The following MANBA variants were observed in gnomAD, a reference collection of about 807,000 sequenced individuals.
MANBA encodes the protein mannosidase beta.
A neutral mutation model predicts 111.1 loss-of-function variants in MANBA; 83 were observed. That is an observed-to-expected ratio of 0.75 (90% confidence interval 0.63 to 0.90). MANBA has a LOEUF of 0.90. Among genes scored for constraint, MANBA ranks in the 40% least tolerant of loss-of-function variants. MANBA has a pLI of 0.00. For missense variants in MANBA, 1,036 were observed against 1,069.0 expected (o/e 0.97, Z 0.43); for synonymous variants, 370 against 378.7 (o/e 0.98, Z 0.27).
chr4:102,689,836 A>G, intron 6 of MANBA, 152 bp from the exon 7 acceptor site: 1 of 623,852 alleles, frequency 1.6e-6, no homozygotes, highest in East Asian at 2.8e-5. Flanking sequence ...CAATCAGACC[A>G]ATTCATTGAT....
At chr4:102,752,017 G>C in intron 1 of MANBA, 1 of 742,530 alleles carries the variant, frequency 1.3e-6, no homozygotes, top group South Asian at 1.4e-5. Context: ...ATTTTGTAGT[G>C]GCTCCTGGGA....
chr4:102,699,212 C>G (rs1386798544), intron 5 of MANBA, among the ~76,000 whole-genome samples: 1 of 151,698 alleles, frequency 6.6e-6, no homozygotes, highest in Non-Finnish European at 1.5e-5. Flanking sequence ...GATTTTGTAT[C>G]CTGAGACTTT....
chr4:102,759,026 G>A (rs190261991), intron 1 of MANBA, among the ~76,000 whole-genome samples: 1 of 152,150 alleles, frequency 6.6e-6, no homozygotes, highest in East Asian at 1.9e-4. Flanking sequence ...TTTTCATTAA[G>A]TATCTGTTGT....
intron 12 of MANBA, among the ~76,000 whole-genome samples, chr4:102,651,145 C>T (rs1443878306): frequency 6.6e-6 from 1 of 151,834 alleles, no homozygotes; most frequent in African/African-American, 2.4e-5. Flanking sequence ...AATAAAACAC[C>T]TATTACACTA....
At chr4:102,700,174 A>T (rs375806632) in intron 5 of MANBA, among the ~76,000 whole-genome samples, 982 of 96,276 alleles carry the variant, frequency 0.01, no homozygotes, top group African/African-American at 0.015. Context: ...CTCTGATGGT[A>T]GTTTGTATTT....
At chr4:102,643,524 T>C (rs1578863825) in intron 13 of MANBA, among the ~76,000 whole-genome samples, 1 of 152,344 alleles carries the variant, frequency 6.6e-6, no homozygotes, top group Non-Finnish European at 1.5e-5. Flanking sequence ...CAGCAACATA[T>C]GAGGGTTCCA....
At chr4:102,727,602 G>C in intron 1 of MANBA, 1 of 1,595,842 alleles carries the variant, frequency 6.3e-7, no homozygotes, top group South Asian at 1.1e-5. Context: ...TTTTGGGCTC[G>C]GGAGACAGGC....
chr4:102,673,585 C>T (rs1207885985), intron 8 of MANBA, among the ~76,000 whole-genome samples: 1 of 151,764 alleles, frequency 6.6e-6, no homozygotes, highest in East Asian at 1.9e-4. Context: ...ATTTGAAAAG[C>T]TGAAAATAGT....
intron 10 of MANBA, chr4:102,666,282 G>A (rs573315036): frequency 6.6e-5 from 10 of 152,270 alleles, no homozygotes; most frequent in East Asian, 1.9e-4. Context: ...TTATTTATAC[G>A]AAAGAAAACT....
intron 4 of MANBA, among the ~76,000 whole-genome samples, chr4:102,720,693 A>AAAGAT (rs1457743938): frequency 1.3e-5 from 2 of 152,208 alleles, no homozygotes; most frequent in African/African-American, 4.8e-5. Flanking sequence ...AAAAGAATCA[A>AAAGAT]AAGATAAATC....
rs377586019 is a variant in MANBA at position 102,635,036 on chromosome 4, G to A, written c.2167C>T (p.His723Tyr). The change falls in exon 16 of 17, where the codon CAT (histidine) becomes TAT (tyrosine). Residue 723 changes from histidine (H) to tyrosine (Y), a missense_variant. His to Tyr is a moderately conservative substitution (Grantham distance 83). Transcript: ENST00000647097. ...ACGGGCTCCAGGGAGCTCCATGTATGGACTCTCACCTGGGGAGAAATAAAA... is the reference window on the plus strand; with the variant it reads ...ACGGGCTCCAGGGAGCTCCATGTATAGACTCTCACCTGGGGAGAAATAAAA... ...DYSMTLSVRV[H>Y]TWSSLEPVCS... 15 of 1,614,064 alleles carry A rather than the reference G, an allele frequency of 9.3e-6. No individual in the cohort carries two copies. The highest frequency in any genetic ancestry group is 1.3e-5 in the Non-Finnish European group (15 of 1,179,958).
chr4:102,641,563 T>C (rs1225903832), intron 13 of MANBA, among the ~76,000 whole-genome samples: 1 of 152,150 alleles, frequency 6.6e-6, no homozygotes, highest in East Asian at 1.9e-4. Flanking sequence ...ACCAGACCAC[T>C]AGGACCACAG....
At chr4:102,747,207 G>A (rs1013263374) in intron 1 of MANBA, among the ~76,000 whole-genome samples, 3 of 150,912 alleles carry the variant, frequency 2.0e-5, no homozygotes, top group Non-Finnish European at 2.9e-5. Flanking sequence ...TAACTCACAT[G>A]ATCACAAGGT....
At chr4:102,676,129 G>T (rs1480176292) in intron 7 of MANBA, among the ~76,000 whole-genome samples, 2 of 152,222 alleles carry the variant, frequency 1.3e-5, no homozygotes, top group East Asian at 3.9e-4. Flanking sequence ...TGAATAAGAA[G>T]TGAAATTATG....
intron 13 of MANBA, among the ~76,000 whole-genome samples, chr4:102,642,468 G>T (rs1312618619): frequency 6.6e-6 from 1 of 152,058 alleles, no homozygotes; most frequent in South Asian, 2.1e-4. Context: ...TTAACCGGAC[G>T]TGGTGGCACA....
At chr4:102,690,438 CA>C (rs1732420603) in intron 6 of MANBA, among the ~76,000 whole-genome samples, 157 bp downstream of exon 6, 1 of 152,082 alleles carries the variant, frequency 6.6e-6, no homozygotes, top group Non-Finnish European at 1.5e-5. Flanking sequence ...AGCTCATACT[CA>C]CAGAAAATAT....
chr4:102,642,230 T>C (rs1204305736), intron 13 of MANBA, among the ~76,000 whole-genome samples: 1 of 152,200 alleles, frequency 6.6e-6, no homozygotes, highest in Non-Finnish European at 1.5e-5. Flanking sequence ...AGGGCAATCT[T>C]TACACATAAG....
chr4:102,649,943 T>C (rs187704385), intron 13 of MANBA, among the ~76,000 whole-genome samples: 79 of 152,246 alleles, frequency 5.2e-4, no homozygotes, highest in Non-Finnish European at 1.3e-4. Flanking sequence ...ATAGGGTTCT[T>C]GACATTTTGC....
intron 1 of MANBA, chr4:102,751,324 C>T (rs532859174): frequency 1.1e-4 from 37 of 342,250 alleles, no homozygotes; most frequent in South Asian, 7.5e-4. Flanking sequence ...TAATTTTGAG[C>T]GGCCTCTTTG....
Sources: gnomAD v4.1 joint callset for allele counts (sites outside exome capture counted in the v4.1 genomes callset) on GRCh38, gnomAD v4.1.1 for gene constraint, MANE v1.5 for transcripts, NCBI Gene and HGNC (gene_info 2026-07-23, HGNC 2026-07-21) for gene names.